Variants in SAMD12 observed in about 807,000 individuals in gnomAD.
SAMD12 encodes the protein sterile alpha motif domain-containing protein 12.
SAMD12 carries 9 observed loss-of-function variants against 15.0 expected under a neutral mutation model. That is an observed-to-expected ratio of 0.60 (90% CI 0.36 to 1.05). The LOEUF is 1.05. Among genes scored for constraint, SAMD12 ranks in the 50% least tolerant of loss-of-function variants. The probability of loss-of-function intolerance (pLI) is 0.01; values close to 1 mark genes in which losing one functional copy is unlikely to be tolerated. For synonymous variants in SAMD12, 86 were observed against 90.1 expected (o/e 0.96, Z 0.25); for missense variants, 230 against 234.2 (o/e 0.98, Z 0.12).
chr8:118,197,494 G>A (rs1460172610), exon 5 of SAMD12: 2 of 598,386 alleles, frequency 3.3e-6, no homozygotes, highest in African/African-American at 3.7e-5. Flanking sequence ...GGAATGAGTT[G>A]GCATTATATT....
chr8:118,152,966 A>G, the SAMD12 span, among the ~76,000 whole-genome samples: 1 of 152,212 alleles, frequency 6.6e-6, no homozygotes, highest in Non-Finnish European at 1.5e-5. Context: ...ATTACTGTGA[A>G]TAGATCCATT....
intron 2 of SAMD12, among the ~76,000 whole-genome samples, chr8:118,569,872 T>C (rs1476676064): frequency 6.6e-6 from 1 of 152,226 alleles, no homozygotes. Flanking sequence ...ATACAGCATA[T>C]ATCTAAGGGT....
chr8:118,365,084 G>A (rs1563798147), intron 4 of SAMD12, among the ~76,000 whole-genome samples: 1 of 152,142 alleles, frequency 6.6e-6, no homozygotes, highest in African/African-American at 2.4e-5. Flanking sequence ...GATTCCTTGA[G>A]AAAAGCAAAC....
At chr8:118,206,993 T>C (rs370590623) in intron 4 of SAMD12, among the ~76,000 whole-genome samples, 4 of 152,192 alleles carry the variant, frequency 2.6e-5, no homozygotes, top group Non-Finnish European at 4.4e-5. Flanking sequence ...TCAATGAATG[T>C]ATGTATGAAG....
chr8:118,411,057 T>C (rs1272924685), intron 3 of SAMD12, among the ~76,000 whole-genome samples: 1 of 152,132 alleles, frequency 6.6e-6, no homozygotes, highest in Non-Finnish European at 1.5e-5. Flanking sequence ...GACTTATAAG[T>C]GGTAGACATT....
At chr8:118,232,636 C>A (rs1812341009) in intron 4 of SAMD12, among the ~76,000 whole-genome samples, 1 of 91,088 alleles carries the variant, frequency 1.1e-5, no homozygotes, top group South Asian at 3.5e-4. Flanking sequence ...TAGCTCCTTT[C>A]TTTCCTCCTG....
exon 5 of SAMD12, chr8:118,193,423 G>C (rs1378442207): frequency 6.6e-6 from 1 of 152,174 alleles, no homozygotes; most frequent in Non-Finnish European, 1.5e-5. Context: ...AGAATTCATA[G>C]GATAATTTTC....
chr8:118,357,725 A>G (rs1235938448), intron 4 of SAMD12, among the ~76,000 whole-genome samples: 2 of 152,212 alleles, frequency 1.3e-5, no homozygotes, highest in Non-Finnish European at 2.9e-5. Flanking sequence ...CACTTCTTGG[A>G]TCCTATTCTA....
intron 4 of SAMD12, chr8:118,284,403 C>A: frequency 2.2e-6 from 1 of 455,814 alleles, no homozygotes; most frequent in South Asian, 1.6e-5. Flanking sequence ...CTGTTTTGAA[C>A]ATCTGCACAG....
chr8:118,237,452 G>T (rs2129951439), intron 4 of SAMD12, among the ~76,000 whole-genome samples: 1 of 152,274 alleles, frequency 6.6e-6, no homozygotes, highest in East Asian at 1.9e-4. Flanking sequence ...TTCCTGGGTT[G>T]TGGTCCTAAT....
chr8:118,447,176 TC>T (rs1361436753), intron 2 of SAMD12, among the ~76,000 whole-genome samples: 14 of 152,204 alleles, frequency 9.2e-5, no homozygotes, highest in Admixed American at 9.2e-4. Flanking sequence ...GTCAATCTCT[TC>T]ATTACCAACA....
intron 4 of SAMD12, among the ~76,000 whole-genome samples, chr8:118,334,920 G>A (rs976063660): frequency 3.9e-5 from 6 of 152,106 alleles, no homozygotes; most frequent in African/African-American, 1.4e-4. Context: ...TGCAATCATT[G>A]CTCTTTGTAA....
intron 1 of SAMD12, 79 bp from the exon 2 acceptor site, chr8:118,580,972 C>A: frequency 1.7e-6 from 2 of 1,146,576 alleles, no homozygotes; most frequent in Non-Finnish European, 1.2e-6. Flanking sequence ...TTCATCAAGC[C>A]TAAGTAGGAA....
At chr8:118,195,345 G>A (rs1819529351) in exon 5 of SAMD12, 2 of 152,204 alleles carry the variant, frequency 1.3e-5, no homozygotes, top group African/African-American at 4.8e-5. Context: ...AGACTCAACT[G>A]TGTGTCCCCT....
chr8:118,176,256 G>A, the SAMD12 span, among the ~76,000 whole-genome samples: 2 of 152,156 alleles, frequency 1.3e-5, no homozygotes, highest in African/African-American at 2.4e-5. Flanking sequence ...AGCCGAGATC[G>A]TGCCACTGCA....
intron 4 of SAMD12, among the ~76,000 whole-genome samples, chr8:118,221,763 G>A (rs1293370790): frequency 6.6e-6 from 1 of 152,214 alleles, no homozygotes; most frequent in Non-Finnish European, 1.5e-5. Flanking sequence ...GCTCCATACT[G>A]GTTCTGCAGG....
chr8:118,400,313 CAA>C (rs947633066), intron 3 of SAMD12: 1 of 152,178 alleles, frequency 6.6e-6, no homozygotes, highest in African/African-American at 2.4e-5. Flanking sequence ...AGGATCCTGA[CAA>C]AGACTTCGCA....
chr8:118,184,913 T>C (rs1163474925), downstream of SAMD12, among the ~76,000 whole-genome samples: 5 of 152,236 alleles, frequency 3.3e-5, no homozygotes, highest in South Asian at 1.0e-3. Flanking sequence ...CTTTTTTTTT[T>C]TTTTGAAATC....
chr8:118,174,184 C>T, the SAMD12 span, among the ~76,000 whole-genome samples: 11 of 152,136 alleles, frequency 7.2e-5, no homozygotes, highest in African/African-American at 2.4e-4. Context: ...TCTGAGGATT[C>T]AATGGGGCAA....
Sources: gnomAD v4.1 joint callset for allele counts (sites outside exome capture counted in the v4.1 genomes callset) on GRCh38, gnomAD v4.1.1 for gene constraint, MANE v1.5 for transcripts, NCBI Gene and HGNC (gene_info 2026-07-23, HGNC 2026-07-21) for gene names.